Variants in GPC6 observed in about 807,000 individuals in gnomAD.
GPC6 encodes glypican 6, also known as glypican-6.
GPC6 carries 14 observed loss-of-function variants against 55.2 expected under a neutral mutation model. The ratio of observed to expected loss-of-function variants is 0.25; its 90% confidence interval spans 0.17 to 0.40. The LOEUF (loss-of-function observed/expected upper bound fraction) is 0.40, where lower values mean the gene tolerates loss of function less well. GPC6 is among the 10% of genes least tolerant of loss of function. GPC6 has a pLI of 1.00. For synonymous variants in GPC6, 278 were observed against 259.6 expected (o/e 1.07, Z -0.68); for missense variants, 641 against 708.5 (o/e 0.90, Z 1.08).
intron 3 of GPC6, among the ~76,000 whole-genome samples, chr13:93,931,683 G>C (rs750690979): frequency 2.6e-4 from 38 of 144,454 alleles, no homozygotes; most frequent in Non-Finnish European, 5.1e-4. Context: ...AGAGTCACTT[G>C]AACCTGAGAA....
chr13:93,278,373 C>T (rs1877832777), intron 1 of GPC6, among the ~76,000 whole-genome samples: 1 of 152,196 alleles, frequency 6.6e-6, no homozygotes, highest in Non-Finnish European at 1.5e-5. Flanking sequence ...CAGCTGACCT[C>T]CAGAATTTCA....
intron 4 of GPC6, among the ~76,000 whole-genome samples, chr13:94,252,188 C>A (rs772455842): frequency 1.8e-4 from 28 of 152,120 alleles, no homozygotes; most frequent in Non-Finnish European, 3.4e-4. Flanking sequence ...AATCAAGGCT[C>A]TTCTGTGACT....
At chr13:94,185,843 G>A (rs929029438) in intron 4 of GPC6, among the ~76,000 whole-genome samples, 2 of 151,902 alleles carry the variant, frequency 1.3e-5, no homozygotes, top group South Asian at 2.1e-4. Context: ...GGCGGATCAC[G>A]AGGTCAGGAG....
chr13:93,785,001 G>T (rs2138913250), intron 2 of GPC6, among the ~76,000 whole-genome samples: 1 of 152,210 alleles, frequency 6.6e-6, no homozygotes, highest in African/African-American at 2.4e-5. Flanking sequence ...GGAATAAAAA[G>T]GAATATATAT....
rs548502608 is a variant in GPC6, at chr13:93,671,897, C to A, written c.319+126476C>A. ...CAGGATGACATGGCTGCATGGCATG[C>A]TTTTCAGGCCAGTGCGGGGACACTA... On this transcript the variant is annotated intron_variant, in intron 2 of 8. Transcript: ENST00000377047. 2.4e-3 allele frequency among the ~76,000 whole-genome samples: 368 copies of A among 152,088 alleles called. 1 individual carries two copies. The highest frequency in any genetic ancestry group is 8.4e-3 in the African/African-American group (348 of 41,486).
intron 4 of GPC6, among the ~76,000 whole-genome samples, chr13:94,268,262 A>C (rs1207532960): frequency 6.6e-6 from 1 of 152,230 alleles, no homozygotes; most frequent in Non-Finnish European, 1.5e-5. Context: ...TACATGCAGC[A>C]TTTAAAAGAC....
chr13:94,037,515 G>C (rs994095878), intron 4 of GPC6, among the ~76,000 whole-genome samples: 2 of 151,814 alleles, frequency 1.3e-5, no homozygotes, highest in African/African-American at 4.8e-5. Flanking sequence ...ATACCTAATA[G>C]TATTTATTGA....
chr13:93,723,946 AC>A (rs1883540291), intron 2 of GPC6, among the ~76,000 whole-genome samples: 1 of 151,948 alleles, frequency 6.6e-6, no homozygotes, highest in African/African-American at 2.4e-5. Flanking sequence ...ACAGAGACAG[AC>A]CCAGGTGTTT....
At chr13:93,433,117 G>A (rs899313321) in intron 1 of GPC6, among the ~76,000 whole-genome samples, 2 of 152,244 alleles carry the variant, frequency 1.3e-5, no homozygotes, top group Admixed American at 1.3e-4. Flanking sequence ...AGAAATCTAT[G>A]TGAGCTATCA....
intron 4 of GPC6, among the ~76,000 whole-genome samples, chr13:94,230,300 A>G (rs1890683329): frequency 6.6e-6 from 1 of 152,160 alleles, no homozygotes; most frequent in African/African-American, 2.4e-5. Flanking sequence ...GCTCCAGGTC[A>G]CATGGCTGGA....
intron 6 of GPC6, among the ~76,000 whole-genome samples, chr13:94,307,342 G>A (rs1004047747): frequency 4.6e-5 from 7 of 151,350 alleles, no homozygotes; most frequent in Admixed American, 2.0e-4. Flanking sequence ...CCCTTGAGAC[G>A]GGGCTTCACT....
At chr13:94,026,063 CTGTAAAAGTCT>C (rs1190680817) in intron 3 of GPC6, among the ~76,000 whole-genome samples, 1 of 152,116 alleles carries the variant, frequency 6.6e-6, no homozygotes, top group Non-Finnish European at 1.5e-5. Context: ...TGGCTGTGAA[CTGTAAAAGTCT>C]TTCACCTATT....
intron 2 of GPC6, among the ~76,000 whole-genome samples, chr13:93,778,882 G>T (rs542866010): frequency 1.2e-3 from 176 of 152,208 alleles, no homozygotes; most frequent in Non-Finnish European, 1.7e-3. Context: ...ATGAGGTTAT[G>T]GCCATGTTTT....
Position 93,518,371 on chromosome 13 carries a change from A to G in GPC6, c.161-26892A>G, listed in dbSNP as rs375693018. On this transcript the variant is annotated intron_variant, in intron 1 of 8. Coordinates refer to ENST00000377047, the MANE Select transcript of GPC6 (RefSeq NM_005708.5). ...GATGGGCCTTAATCTAGTTCCGTCA[A>G]CTCTTCTTGCTTCTCCACTTTTCCA... is the stretch of plus-strand genomic sequence containing the variant. Among the ~76,000 whole-genome samples the G allele has an allele frequency of 4.6e-5, 7 of 150,882 alleles. No homozygotes were observed. The East Asian group carries it at 7.8e-4, about 17-fold the overall frequency.
chr13:94,255,895 C>G (rs1477318115), intron 4 of GPC6, among the ~76,000 whole-genome samples: 1 of 152,130 alleles, frequency 6.6e-6, no homozygotes, highest in African/African-American at 2.4e-5. Flanking sequence ...GACCCTAGAG[C>G]CTTGCTACTC....
chr13:94,036,321 G>A (rs1021348194), intron 4 of GPC6, among the ~76,000 whole-genome samples: 4 of 151,898 alleles, frequency 2.6e-5, no homozygotes, highest in Non-Finnish European at 5.9e-5. Context: ...ATATGTCCTC[G>A]ATTTTTTTCT....
intron 2 of GPC6, among the ~76,000 whole-genome samples, chr13:93,779,174 G>A (rs892941905): frequency 3.3e-5 from 5 of 151,954 alleles, no homozygotes; most frequent in African/African-American, 9.7e-5. Flanking sequence ...TGTGTTTCTC[G>A]AGAGAAAGGA....
At chr13:93,259,327 T>C (rs1226004368) in intron 1 of GPC6, among the ~76,000 whole-genome samples, 1 of 152,052 alleles carries the variant, frequency 6.6e-6, no homozygotes, top group Non-Finnish European at 1.5e-5. Context: ...TCTGTGGAAG[T>C]GGGTGAGTCC....
rs1365088492 is a variant in GPC6, at chr13:94,174,895, T to C, written c.878-111454T>C. Among the ~76,000 whole-genome samples the C allele has an allele frequency of 2.0e-5, 3 of 152,120 alleles. No homozygotes were observed. In the East Asian group the frequency reaches 5.8e-4, roughly 29 times the overall value. On this transcript the variant is annotated intron_variant, in intron 4 of 8. Transcript: ENST00000377047. ...AAAAAAGTAAAGTGCACTAATCTCA[T>C]GTGTGCAGCTCAATTGACTTTTATG...
Sources: allele counts gnomAD v4.1 joint callset (sites outside exome capture counted in the v4.1 genomes callset), GRCh38; gene constraint gnomAD v4.1.1; transcripts MANE v1.5; gene names NCBI Gene and HGNC (gene_info 2026-07-23, HGNC 2026-07-21).